The following ZNF100 variants were observed in gnomAD, a reference collection of about 807,000 sequenced individuals.
The protein encoded by ZNF100 is zinc finger protein 100.
Under a neutral mutation model 15.8 loss-of-function variants are expected in ZNF100, and 12 were observed. The observed-to-expected ratio is 0.76, with a 90% CI of 0.49 to 1.23. ZNF100 has a LOEUF of 1.23. Among genes scored for constraint, ZNF100 ranks in the 50% most tolerant of loss-of-function variants. The pLI is 0.00. For missense variants in ZNF100, 670 were observed against 635.6 expected (o/e 1.05, Z -0.58); for synonymous variants, 226 against 214.8 (o/e 1.05, Z -0.45).
chr19:21,758,805 A>C (rs1293762616), intron 2 of ZNF100, among the ~76,000 whole-genome samples: 1 of 152,180 alleles, frequency 6.6e-6, no homozygotes. Context: ...GGGGTCTGTC[A>C]TCAGAGTTCC....
intron 4 of ZNF100, among the ~76,000 whole-genome samples, chr19:21,735,215 T>G (rs890267823): frequency 6.6e-6 from 1 of 152,020 alleles, no homozygotes; most frequent in African/African-American, 2.4e-5. Flanking sequence ...AACCTTAAAT[T>G]TAAATGGACT....
rs968329500 is a variant in ZNF100, at chr19:21,725,568, A to G, written c.*1115T>C. 1 of 152,168 alleles carries G rather than the reference A, an allele frequency of 6.6e-6. No individual in the cohort carries two copies. Among genetic ancestry groups the G allele is most frequent in the Non-Finnish European group, 1.5e-5 (1 of 67,998 alleles). The allele number at this position is 152,168 out of a possible 1,614,324, so 9.4% of individuals were successfully genotyped here. ...CTCACCTAATAAAAAAGAATCTCTC[A>G]TATCTGATGCAGCAACAATTGATCA... On this transcript the variant is annotated 3_prime_UTR_variant, in exon 5 of 5. Transcript: ENST00000358296.
intron 2 of ZNF100, among the ~76,000 whole-genome samples, chr19:21,764,728 C>A (rs2036533166): frequency 6.6e-6 from 1 of 151,394 alleles, no homozygotes; most frequent in Admixed American, 6.6e-5. Context: ...ATTTTGTAAA[C>A]AATGAGTCAT....
At chr19:21,754,721 C>T (rs527765058) in intron 2 of ZNF100, among the ~76,000 whole-genome samples, 198 of 152,228 alleles carry the variant, frequency 1.3e-3, no homozygotes, top group African/African-American at 4.1e-3. Context: ...CAATACCATT[C>T]AGGACAAAGG....
chr19:21,752,000 C>T, intron 2 of ZNF100: 1 of 347,450 alleles, frequency 2.9e-6, no homozygotes, highest in Non-Finnish European at 5.2e-6. Context: ...GCTCAAAAAC[C>T]AGCAAAATTA....
intron 4 of ZNF100, among the ~76,000 whole-genome samples, chr19:21,732,054 C>T (rs1019826200): frequency 1.3e-5 from 2 of 152,088 alleles, no homozygotes; most frequent in Admixed American, 6.6e-5. Flanking sequence ...AGTTCGAGAC[C>T]AGCCTGGCCA....
At chr19:21,759,612 C>A (rs2036447793) in intron 2 of ZNF100, among the ~76,000 whole-genome samples, 1 of 152,142 alleles carries the variant, frequency 6.6e-6, no homozygotes, top group Admixed American at 6.6e-5. Flanking sequence ...TCATAAAGAG[C>A]TGGCTGATAA....
At chr19:21,766,064 C>T (rs2036555488) in intron 1 of ZNF100, among the ~76,000 whole-genome samples, 1 of 152,074 alleles carries the variant, frequency 6.6e-6, no homozygotes, top group Non-Finnish European at 1.5e-5. Flanking sequence ...GTTTCCTTTT[C>T]GTGGGAAATA....
chr19:21,750,113 C>A (rs936952171), intron 2 of ZNF100, among the ~76,000 whole-genome samples: 1 of 152,128 alleles, frequency 6.6e-6, no homozygotes, highest in Admixed American at 6.5e-5. Flanking sequence ...AGGACTGTAA[C>A]CTTGGAGCAA....
chr19:21,757,919 C>A (rs2036416081), intron 2 of ZNF100, among the ~76,000 whole-genome samples: 1 of 151,964 alleles, frequency 6.6e-6, no homozygotes, highest in Non-Finnish European at 1.5e-5. Context: ...TGCCTGTAGT[C>A]CCAGTTACTT....
chr19:21,765,842 A>ACCATGG, intron 1 of ZNF100, 56 bp from the exon 2 acceptor site: 1 of 1,532,418 alleles, frequency 6.5e-7, no homozygotes, highest in Non-Finnish European at 9.0e-7. Context: ...AGCTGACAGA[A>ACCATGG]CCATGGCGGA....
At chr19:21,751,276 G>T in intron 2 of ZNF100, 6 of 1,085,880 alleles carry the variant, frequency 5.5e-6, no homozygotes, top group South Asian at 1.2e-5. Flanking sequence ...AGTAAAATGT[G>T]ACCTTAGAAA....
Position 21,727,987 on chromosome 19 carries a change from T to G in ZNF100, c.325A>C (p.Ile109Leu). ...RHEMVAKPPV[I>L]CSHFPQDLWA... ...AGGTCTTGGGGAAAATGAGAACATA[T>G]AACTGAAAGAAATAAAAATAACAAA... The change falls in exon 5 of 5, where the codon ATA (isoleucine) becomes CTA (leucine). Residue 109 changes from isoleucine (I) to leucine (L), a missense_variant and splice_region_variant. Ile to Leu is a conservative substitution (Grantham distance 5). Coordinates refer to ENST00000358296, the MANE Select transcript of ZNF100 (RefSeq NM_173531.4). The G allele has an allele frequency of 6.6e-7, 1 of 1,511,264 alleles. No individual in the cohort carries two copies. The highest frequency in any genetic ancestry group is 8.8e-7 in the Non-Finnish European group (1 of 1,135,994). 93.6% of individuals were successfully genotyped at this position (1,511,264 alleles called of 1,614,324 possible). A position where few individuals can be genotyped will look rare whatever the true frequency, so the allele number is the denominator to read the frequency against.
At chr19:21,743,697 C>T (rs2036159162) in intron 4 of ZNF100, among the ~76,000 whole-genome samples, 1 of 151,808 alleles carries the variant, frequency 6.6e-6, no homozygotes, top group Admixed American at 6.6e-5. Context: ...GTGTGTCCCC[C>T]CAAATAATGG....
At chr19:21,742,022 C>A (rs967955183) in intron 4 of ZNF100, among the ~76,000 whole-genome samples, 3 of 152,082 alleles carry the variant, frequency 2.0e-5, no homozygotes, top group East Asian at 1.9e-4. Context: ...GTAGGCTGGG[C>A]GCGGTGGCCC....
At chr19:21,751,754 C>A (rs8101035) in intron 2 of ZNF100, 1,157,510 of 1,282,918 alleles carry the variant, frequency 0.9, 524,311 homozygotes, top group Middle Eastern at 0.93. Flanking sequence ...AGCAGATGAC[C>A]ACCTGAATTT....
intron 4 of ZNF100, among the ~76,000 whole-genome samples, chr19:21,732,633 TATATA>T (rs1568293058): frequency 4.0e-5 from 6 of 149,220 alleles, no homozygotes; most frequent in African/African-American, 7.3e-5. Context: ...AATATATATA[TATATA>T]ATATATGTAA....
At chr19:21,737,263 T>C (rs1444284156) in intron 4 of ZNF100, among the ~76,000 whole-genome samples, 1 of 152,076 alleles carries the variant, frequency 6.6e-6, no homozygotes, top group Non-Finnish European at 1.5e-5. Context: ...TGGTAGATCA[T>C]GCCTGTAATC....
At chr19:21,759,021 CA>C (rs1245744876) in intron 2 of ZNF100, among the ~76,000 whole-genome samples, 1 of 152,154 alleles carries the variant, frequency 6.6e-6, no homozygotes, top group Non-Finnish European at 1.5e-5. Context: ...AGCACCAACT[CA>C]ATGTCTAACA....
Sources: gnomAD v4.1 joint callset for allele counts (sites outside exome capture counted in the v4.1 genomes callset) on GRCh38, gnomAD v4.1.1 for gene constraint, MANE v1.5 for transcripts, NCBI Gene and HGNC (gene_info 2026-07-23, HGNC 2026-07-21) for gene names.